The following C10orf90 variants were observed in gnomAD, a reference collection of about 807,000 sequenced individuals.
C10orf90 encodes (E2-independent) E3 ubiquitin-conjugating enzyme FATS.
C10orf90 carries 56 observed loss-of-function variants against 62.5 expected under a neutral mutation model. The observed-to-expected ratio is 0.90, with a 90% CI of 0.72 to 1.12. The LOEUF is 1.12. Ranked by LOEUF, C10orf90 falls within the 50% of genes most tolerant of loss-of-function variation. The pLI is 0.00. For missense variants in C10orf90, 970 were observed against 880.4 expected (o/e 1.10, Z -1.29); for synonymous variants, 386 against 340.4 (o/e 1.13, Z -1.47).
chr10:126,465,085 G>C (rs552684926), intron 4 of C10orf90, 99 bp from the exon 5 acceptor site: 172 of 1,301,140 alleles, frequency 1.3e-4, no homozygotes, highest in African/African-American at 4.4e-4. Flanking sequence ...ACAGACTTGG[G>C]GGGGAGTACA....
intron 2 of C10orf90, among the ~76,000 whole-genome samples, chr10:126,574,530 A>G (rs1186179450): frequency 6.6e-6 from 1 of 152,110 alleles, no homozygotes; most frequent in Non-Finnish European, 1.5e-5. Context: ...ATATCAGCAA[A>G]TCAAAGCAAG....
chr10:126,575,227 A>C (rs1435150217), intron 2 of C10orf90, among the ~76,000 whole-genome samples: 1 of 152,068 alleles, frequency 6.6e-6, no homozygotes, highest in African/African-American at 2.4e-5. Flanking sequence ...GTTTGAACAC[A>C]GTATGATCTT....
intron 2 of C10orf90, among the ~76,000 whole-genome samples, chr10:126,635,803 A>G (rs985502325): frequency 1.3e-5 from 2 of 152,174 alleles, no homozygotes; most frequent in African/African-American, 4.8e-5. Context: ...CTGGCCTCCC[A>G]TAAGATTTTC....
chr10:126,534,286 C>A (rs1377609998), intron 2 of C10orf90, among the ~76,000 whole-genome samples: 2 of 152,188 alleles, frequency 1.3e-5, no homozygotes, highest in Non-Finnish European at 2.9e-5. Flanking sequence ...CCAATGTGGG[C>A]CTCAGAACTC....
At chr10:126,499,390 G>C (rs991741163) in intron 4 of C10orf90, among the ~76,000 whole-genome samples, 1 of 152,078 alleles carries the variant, frequency 6.6e-6, no homozygotes, top group Non-Finnish European at 1.5e-5. Flanking sequence ...AAAAAGAAAA[G>C]TTTGCTGATC....
At chr10:126,485,031 T>C (rs1449392176) in intron 4 of C10orf90, among the ~76,000 whole-genome samples, 3 of 152,236 alleles carry the variant, frequency 2.0e-5, no homozygotes, top group Non-Finnish European at 4.4e-5. Context: ...CTGAAGTTCA[T>C]GTTCGTACCA....
At chr10:126,634,368 A>C (rs944248841) in intron 2 of C10orf90, among the ~76,000 whole-genome samples, 1 of 152,230 alleles carries the variant, frequency 6.6e-6, no homozygotes, top group Non-Finnish European at 1.5e-5. Flanking sequence ...AGCCAGACAC[A>C]AAAGGACCAA....
chr10:126,515,923 G>T (rs1863415800), intron 2 of C10orf90, among the ~76,000 whole-genome samples: 1 of 152,192 alleles, frequency 6.6e-6, no homozygotes, highest in Non-Finnish European at 1.5e-5. Context: ...CCAAGATGAC[G>T]TGCACAGATT....
chr10:126,495,509 A>G (rs2133853182), intron 4 of C10orf90, among the ~76,000 whole-genome samples: 1 of 152,350 alleles, frequency 6.6e-6, no homozygotes. Flanking sequence ...ATAAAAGAAC[A>G]TCTGATAGCA....
chr10:126,513,277 T>C (rs1863243858), intron 3 of C10orf90, among the ~76,000 whole-genome samples: 1 of 152,202 alleles, frequency 6.6e-6, no homozygotes, highest in Non-Finnish European at 1.5e-5. Flanking sequence ...ACTGAAGCTG[T>C]AGTTTTCTCA....
intron 2 of C10orf90, among the ~76,000 whole-genome samples, chr10:126,596,300 C>T (rs751955798): frequency 6.9e-6 from 1 of 145,748 alleles, no homozygotes; most frequent in Non-Finnish European, 1.5e-5. Context: ...AAATCCTTGT[C>T]TCAAAAAAAA....
At position 126,505,088 on chromosome 10, in the gene C10orf90, G is replaced by A. The variant is rs1862653815; in HGVS notation, c.406-3C>T. 6.3e-7 allele frequency: 1 copy of A among 1,595,984 alleles called. No individual in the cohort carries two copies. Among genetic ancestry groups the A allele is most frequent in the South Asian group, 1.1e-5 (1 of 88,872 alleles). On this transcript the variant is annotated splice_region_variant and splice_polypyrimidine_tract_variant and intron_variant, in intron 3 of 9. Transcript: ENST00000488181. ...GTGTTTTGTGATGCCAGGGTCTCCT[G>A]CAAATAGAAAAAGATCCCGATTATT...
At position 126,648,140 on chromosome 10, in the gene C10orf90, C is replaced by T. The variant is rs12098537; in HGVS notation, c.241-1503G>A. 6.0e-3 allele frequency among the ~76,000 whole-genome samples: 903 copies of T among 151,654 alleles called. 14 individuals are homozygous for T. Among genetic ancestry groups the T allele is most frequent in the African/African-American group, 0.02 (831 of 41,374 alleles). ...AAGGGCTTATAGGAGTGGGCTTGCTCGCTTCTGCTCCTCTGCCATGTTTGT... is the reference window on the plus strand; with the variant it reads ...AAGGGCTTATAGGAGTGGGCTTGCTTGCTTCTGCTCCTCTGCCATGTTTGT... On this transcript the variant is annotated intron_variant, in intron 1 of 9. Coordinates refer to ENST00000488181, the MANE Select transcript of C10orf90 (RefSeq NM_001350921.2).
intron 2 of C10orf90, among the ~76,000 whole-genome samples, chr10:126,538,499 C>T (rs1407668448): frequency 6.6e-6 from 1 of 152,168 alleles, no homozygotes; most frequent in Non-Finnish European, 1.5e-5. Flanking sequence ...AACTGTGCAT[C>T]AATAAATGCC....
At chr10:126,451,959 A>G (rs975311953) in intron 7 of C10orf90, among the ~76,000 whole-genome samples, 1 of 152,264 alleles carries the variant, frequency 6.6e-6, no homozygotes. Flanking sequence ...GTCAAAGGGT[A>G]CAAAGTTTTA....
chr10:126,492,545 T>TA (rs772645685), intron 4 of C10orf90, among the ~76,000 whole-genome samples: 18 of 152,118 alleles, frequency 1.2e-4, no homozygotes, highest in Non-Finnish European at 2.2e-4. Flanking sequence ...CAGACAACAT[T>TA]AAAAAGTAAA....
intron 2 of C10orf90, among the ~76,000 whole-genome samples, chr10:126,602,108 C>G (rs960762100): frequency 8.5e-5 from 13 of 152,146 alleles, no homozygotes; most frequent in African/African-American, 3.1e-4. Context: ...CAATGAGGCC[C>G]ACAGATCCAG....
At chr10:126,515,742 G>A (rs1401011030) in intron 2 of C10orf90, among the ~76,000 whole-genome samples, 3 of 152,160 alleles carry the variant, frequency 2.0e-5, no homozygotes, top group African/African-American at 7.2e-5. Context: ...TGGAAGATTT[G>A]CAAAAGGGTC....
intron 1 of C10orf90, among the ~76,000 whole-genome samples, chr10:126,665,630 C>T (rs1041415614): frequency 2.6e-5 from 4 of 152,088 alleles, no homozygotes; most frequent in Non-Finnish European, 4.4e-5. Context: ...TATTGAACAA[C>T]AAGCAATGCA....
Sources: allele counts gnomAD v4.1 joint callset (sites outside exome capture counted in the v4.1 genomes callset), GRCh38; gene constraint gnomAD v4.1.1; transcripts MANE v1.5; gene names NCBI Gene and HGNC (gene_info 2026-07-23, HGNC 2026-07-21).